CDK7: variants seen among roughly 807,000 people sequenced by gnomAD.
The protein encoded by CDK7 is cyclin dependent kinase 7.
A neutral mutation model predicts 49.1 loss-of-function variants in CDK7; 25 were observed. That is an observed-to-expected ratio of 0.51 (90% CI 0.37 to 0.71). The LOEUF (loss-of-function observed/expected upper bound fraction) is 0.71. CDK7 is among the 30% of genes least tolerant of loss of function. The pLI, the probability that CDK7 is intolerant of heterozygous loss-of-function variation, is 0.00. For missense variants in CDK7, 316 were observed against 411.7 expected (o/e 0.77, Z 2.01); for synonymous variants, 107 against 140.0 (o/e 0.76, Z 1.67).
chr5:69,242,536 GCAAAAT>G, intron 2 of CDK7, among the ~76,000 whole-genome samples: 1 of 152,274 alleles, frequency 6.6e-6, no homozygotes, highest in Non-Finnish European at 1.5e-5. Flanking sequence ...TGTGGAGGTT[GCAAAAT>G]TCTTGTTACT....
intron 2 of CDK7, among the ~76,000 whole-genome samples, chr5:69,246,483 A>C (rs1324787564): frequency 6.6e-6 from 1 of 152,154 alleles, no homozygotes; most frequent in Non-Finnish European, 1.5e-5. Context: ...ATGAAAGTGC[A>C]CTTGGGAGAG....
chr5:69,235,454 G>T lies in CDK7; in HGVS notation c.126+1G>T, dbSNP rs1441483185. 6.3e-7 allele frequency: 1 copy of T among 1,591,844 alleles called. No individual in the cohort carries two copies. The highest frequency in any genetic ancestry group is 8.6e-7 in the Non-Finnish European group (1 of 1,160,234). On this transcript the variant is annotated splice_donor_variant, in intron 2 of 11. Coordinates refer to ENST00000256443, the MANE Select transcript of CDK7 (RefSeq NM_001799.4). LOFTEE classifies it high-confidence loss of function. ...CAACCAAATTGTCGCCATTAAGAAAGTGAGTTACCTTTTTATGTTGTTTTT... is the reference window on the plus strand; with the variant it reads ...CAACCAAATTGTCGCCATTAAGAAATTGAGTTACCTTTTTATGTTGTTTTT...
intron 5 of CDK7, among the ~76,000 whole-genome samples, chr5:69,256,701 G>A (rs923432187): frequency 1.1e-4 from 16 of 151,940 alleles, no homozygotes; most frequent in Non-Finnish European, 1.5e-5. Context: ...ATTGATTAGT[G>A]GTATCGATCA....
chr5:69,275,691 C>T (rs1233762291), intron 10 of CDK7, among the ~76,000 whole-genome samples: 1 of 152,118 alleles, frequency 6.6e-6, no homozygotes, highest in Non-Finnish European at 1.5e-5. Context: ...AAATTACCTT[C>T]AGCCAGGCGC....
chr5:69,256,957 C>T (rs949495366), intron 5 of CDK7, among the ~76,000 whole-genome samples: 1 of 152,078 alleles, frequency 6.6e-6, no homozygotes, highest in African/African-American at 2.4e-5. Flanking sequence ...ATCCAAACAT[C>T]CCTCATTCTA....
intron 5 of CDK7, among the ~76,000 whole-genome samples, chr5:69,257,274 T>G (rs1268923110): frequency 6.6e-6 from 1 of 152,132 alleles, no homozygotes; most frequent in African/African-American, 2.4e-5. Flanking sequence ...TGGATGCATT[T>G]GTCAAAACTC....
intron 2 of CDK7, among the ~76,000 whole-genome samples, chr5:69,237,678 C>T (rs1162727116): frequency 1.3e-5 from 2 of 152,124 alleles, no homozygotes; most frequent in African/African-American, 2.4e-5. Flanking sequence ...CAGCTGGGCG[C>T]GGTGGCTCAT....
intron 8 of CDK7, 133 bp downstream of exon 8, chr5:69,262,437 G>C: frequency 4.4e-6 from 5 of 1,136,998 alleles, no homozygotes; most frequent in Non-Finnish European, 6.3e-6. Flanking sequence ...GGGAGGCCGA[G>C]GCAGGTGGAT....
intron 8 of CDK7, among the ~76,000 whole-genome samples, chr5:69,266,765 T>G (rs1432927576): frequency 6.6e-6 from 1 of 151,854 alleles, no homozygotes; most frequent in African/African-American, 2.4e-5. Context: ...AAATCGATAT[T>G]TAATAACTGG....
chr5:69,263,644 C>T (rs1750971047), intron 8 of CDK7, among the ~76,000 whole-genome samples: 1 of 152,220 alleles, frequency 6.6e-6, no homozygotes. Context: ...AATCACAGTG[C>T]TAACAGGGGG....
intron 1 of CDK7, 95 bp from the exon 2 acceptor site, chr5:69,235,297 AGG>A: frequency 1.0e-6 from 1 of 958,568 alleles, no homozygotes. Context: ...GAGTCTGCTC[AGG>A]AACTCTGGGC....
chr5:69,268,152 A>G (rs183739927), intron 8 of CDK7, among the ~76,000 whole-genome samples: 1 of 152,206 alleles, frequency 6.6e-6, no homozygotes, highest in African/African-American at 2.4e-5. Flanking sequence ...GTAGAGAGAC[A>G]GGGTTTCAGC....
Position 69,273,042 on chromosome 5 carries a change from G to T in CDK7, c.864+1G>T, listed in dbSNP as rs1428415709. ...ATGTGCTCGAATTACGGCCACACAG[G>T]TATTTTGGTGTATCTTTTTTATACT... On this transcript the variant is annotated splice_donor_variant, in intron 10 of 11. Coordinates refer to ENST00000256443, the MANE Select transcript of CDK7 (RefSeq NM_001799.4). LOFTEE classifies it high-confidence loss of function. 1.3e-6 allele frequency: 2 copies of T among 1,506,130 alleles called. No homozygotes were observed. The highest frequency in any genetic ancestry group is 3.7e-5 in the Admixed American group (2 of 54,536). The allele number at this position is 1,506,130 out of a possible 1,614,324, so 93.3% of individuals were successfully genotyped here.
chr5:69,244,068 G>A (rs1299832553), intron 2 of CDK7, among the ~76,000 whole-genome samples: 11 of 151,978 alleles, frequency 7.2e-5, no homozygotes, highest in Non-Finnish European at 1.2e-4. Context: ...TCCTGACCTC[G>A]TGATCCGCCT....
At chr5:69,243,496 G>T (rs912719521) in intron 2 of CDK7, among the ~76,000 whole-genome samples, 2 of 152,114 alleles carry the variant, frequency 1.3e-5, no homozygotes, top group African/African-American at 4.8e-5. Flanking sequence ...CCATTGGTCT[G>T]TGTGTCTGTT....
intron 2 of CDK7, among the ~76,000 whole-genome samples, chr5:69,252,015 A>G (rs1750176097): frequency 6.6e-6 from 1 of 151,882 alleles, no homozygotes; most frequent in Non-Finnish European, 1.5e-5. Flanking sequence ...GTCTAAGAGC[A>G]TATTATTGGG....
At chr5:69,268,572 GCCAGGCATGGTGGCTGACGCCTGTAATC>G (rs1751310489) in intron 8 of CDK7, among the ~76,000 whole-genome samples, 1 of 152,146 alleles carries the variant, frequency 6.6e-6, no homozygotes, top group Admixed American at 6.5e-5. Context: ...CACTTTGAAG[GCCAGGCATGGTGGCTGACGCCTGTAATC>G]CCAGCACTTT....
rs980770620 is a variant in CDK7, at chr5:69,275,201, TGTATTATA to T, written c.865-1340_865-1333del. On this transcript the variant is annotated intron_variant, in intron 10 of 11. Transcript: ENST00000256443. Reference sequence around the variant, plus strand: ...ATAGTAGGGGGAAAAAAAGAGAAAATGTATTATAGAACATTGGCCTGGTAATTAATAGA... The same window carrying T: ...ATAGTAGGGGGAAAAAAAGAGAAAATGAACATTGGCCTGGTAATTAATAGA... Among the ~76,000 whole-genome samples, 3 of 151,826 alleles carry T rather than the reference TGTATTATA, an allele frequency of 2.0e-5. No individual in the cohort carries two copies. The East Asian group carries it at 5.8e-4, about 29-fold the overall frequency.
chr5:69,262,637 C>G (rs1400893371), intron 8 of CDK7, among the ~76,000 whole-genome samples: 2 of 149,076 alleles, frequency 1.3e-5, no homozygotes, highest in Non-Finnish European at 3.0e-5. Context: ...CCACTGCACT[C>G]CAGCCTGGGC....
Sources: gnomAD v4.1 joint callset for allele counts (sites outside exome capture counted in the v4.1 genomes callset) on GRCh38, gnomAD v4.1.1 for gene constraint, MANE v1.5 for transcripts, NCBI Gene and HGNC (gene_info 2026-07-23, HGNC 2026-07-21) for gene names.